Variants in CELF1 observed in about 807,000 individuals in gnomAD.
The protein encoded by CELF1 is 50 kDa nuclear polyadenylated RNA-binding protein.
CELF1 carries 10 observed loss-of-function variants against 61.8 expected under a neutral mutation model. The ratio of observed to expected loss-of-function variants is 0.16; its 90% CI spans 0.10 to 0.27. The LOEUF (loss-of-function observed/expected upper bound fraction) is 0.27. Among genes scored for constraint, CELF1 ranks in the 10% least tolerant of loss-of-function variants. The probability of loss-of-function intolerance (pLI) is 1.00; values close to 1 mark genes in which losing one functional copy is unlikely to be tolerated. For synonymous variants in CELF1, 236 were observed against 225.1 expected (o/e 1.05, Z -0.43); for missense variants, 380 against 639.1 (o/e 0.59, Z 4.37).
intron 1 of CELF1, among the ~76,000 whole-genome samples, chr11:47,520,497 G>A (rs1325860687): frequency 6.6e-6 from 1 of 152,172 alleles, no homozygotes; most frequent in Admixed American, 6.5e-5. Context: ...TCCGGAAGAT[G>A]TGTGGTGCAG....
intron 12 of CELF1, among the ~76,000 whole-genome samples, chr11:47,476,203 G>C (rs2080060547): frequency 6.6e-6 from 1 of 152,028 alleles, no homozygotes; most frequent in South Asian, 2.1e-4. Flanking sequence ...ATGTTGCTCA[G>C]GCTGGTCTGG....
rs1491536330 is a variant in CELF1, at chr11:47,545,869, G to GT, written c.-154+7122_-154+7123insA. Reference sequence around the variant, plus strand: ...TGTATACGTGTGTGTGTGTGTGTCTGCGTGTGTGTGTGTGTGTGTGTGTGT... The same window carrying GT: ...TGTATACGTGTGTGTGTGTGTGTCTGTCGTGTGTGTGTGTGTGTGTGTGTGT... On this transcript the variant is annotated intron_variant, in intron 1 of 14. Coordinates refer to ENST00000687097, the MANE Select transcript of CELF1 (RefSeq NM_001376376.1). Among the ~76,000 whole-genome samples the GT allele has an allele frequency of 2.2e-3, 72 of 33,082 alleles. 1 individual carries two copies. Among genetic ancestry groups the GT allele is most frequent in the South Asian group, 0.011 (13 of 1,142 alleles). 21.7% of individuals were successfully genotyped at this position (33,082 alleles called of 152,430 possible). A position where few individuals can be genotyped will look rare whatever the true frequency, so the allele number is the denominator to read the frequency against.
rs61663256 is a variant in CELF1, at chr11:47,533,635, A to AATACATACATACATACATAC, written c.-154+19337_-154+19356dup. Among the ~76,000 whole-genome samples, 118 of 148,858 alleles carry AATACATACATACATACATAC rather than the reference A, an allele frequency of 7.9e-4. 2 individuals carry two copies. The East Asian group carries it at 8.8e-3, about 11-fold the overall frequency. ...GAGACTCCATTTCAAAAAATAAATA[A>AATACATACATACATACATAC]ATACATACATACATACATACATAAA... On this transcript the variant is annotated intron_variant, in intron 1 of 14. Transcript: ENST00000687097.
intron 1 of CELF1, among the ~76,000 whole-genome samples, chr11:47,537,438 G>A (rs897909961): frequency 6.6e-6 from 1 of 151,816 alleles, no homozygotes; most frequent in African/African-American, 2.4e-5. Flanking sequence ...TAGTAGAGAC[G>A]GGGTTTCACC....
Position 47,487,253 on chromosome 11 carries a change from A to G in CELF1, c.260-12T>C, listed in dbSNP as rs200391877. 147 of 1,599,478 alleles carry G rather than the reference A, an allele frequency of 9.2e-5. No individual in the cohort carries two copies. In the African/African-American group the frequency reaches 1.8e-3, roughly 20 times the overall value. ...AACAAAACAGCACCCTGCAATAAAT[A>G]AGATTTCATAAAATCAAACTTTGGA... On this transcript the variant is annotated splice_polypyrimidine_tract_variant and intron_variant, in intron 4 of 14. Transcript: ENST00000687097.
rs1233787852 is a variant in CELF1, at chr11:47,467,952, A to C, written c.*4278T>G. On this transcript the variant is annotated 3_prime_UTR_variant, in exon 15 of 15. Transcript: ENST00000687097. ...CGATCAGTTTTTGCACAAACTATAG[A>C]AAACAGAGAGGTGAAGGTGATATAT... 6.6e-6 allele frequency: 1 copy of C among 152,236 alleles called. No individual in the cohort carries two copies. The highest frequency in any genetic ancestry group is 6.5e-5 in the Admixed American group (1 of 15,290). 9.4% of individuals were successfully genotyped at this position (152,236 alleles called of 1,614,324 possible). A position where few individuals can be genotyped will look rare whatever the true frequency, so the allele number is the denominator to read the frequency against.
intron 8 of CELF1, 36 bp from the exon 9 acceptor site, chr11:47,482,892 C>A: frequency 6.3e-7 from 1 of 1,581,722 alleles, no homozygotes; most frequent in Non-Finnish European, 8.6e-7. Context: ...TCAAATTCCT[C>A]CATCTGAAAA....
intron 1 of CELF1, among the ~76,000 whole-genome samples, chr11:47,537,348 A>AG (rs1248273337): frequency 1.3e-5 from 2 of 151,642 alleles, no homozygotes; most frequent in African/African-American, 2.4e-5. Flanking sequence ...CCTGGATTCA[A>AG]GCAATTCTCC....
chr11:47,477,096 A>G, intron 11 of CELF1, 137 bp from the exon 12 acceptor site: 1 of 882,616 alleles, frequency 1.1e-6, no homozygotes. Flanking sequence ...CTTGCAGGAC[A>G]GAGACAAATA....
intron 12 of CELF1, 39 bp downstream of exon 12, chr11:47,476,807 C>T: frequency 6.7e-7 from 1 of 1,497,404 alleles, no homozygotes; most frequent in Admixed American, 1.7e-5. Context: ...GCTACCTGCA[C>T]AAAGAATAGT....
chr11:47,551,198 G>C (rs2097128592), intron 1 of CELF1, among the ~76,000 whole-genome samples: 1 of 152,088 alleles, frequency 6.6e-6, no homozygotes, highest in Non-Finnish European at 1.5e-5. Flanking sequence ...AATCTCTAAA[G>C]AAAACCCTGG....
At chr11:47,541,059 G>A (rs532953133) in intron 1 of CELF1, among the ~76,000 whole-genome samples, 32 of 152,312 alleles carry the variant, frequency 2.1e-4, no homozygotes, top group Admixed American at 5.2e-4. Flanking sequence ...ACTGCAGTGT[G>A]AGGGAAAGCG....
At chr11:47,555,419 A>G (rs1329561493), upstream of CELF1, among the ~76,000 whole-genome samples, 2 of 152,192 alleles carry the variant, frequency 1.3e-5, no homozygotes, top group Non-Finnish European at 2.9e-5. Flanking sequence ...TTCCTATTCT[A>G]TCTGTGCCTT....
At chr11:47,527,674 A>G (rs1035568337) in intron 1 of CELF1, among the ~76,000 whole-genome samples, 8 of 152,220 alleles carry the variant, frequency 5.3e-5, no homozygotes, top group Non-Finnish European at 8.8e-5. Flanking sequence ...GTCCTATTAC[A>G]GCAACTTTGA....
rs2090284100 is a variant in CELF1, at chr11:47,489,935, G to GTTTTTTTTTTTTTGTTT, written c.72-912_72-911insAAACAAAAAAAAAAAAA. ...GTTTCCACTCAGAACATACCATCTT[G>GTTTTTTTTTTTTTGTTT]TTTTTTTTTTTTTTTTTTTTGAGAC... is the stretch of plus-strand genomic sequence containing the variant. On this transcript the variant is annotated intron_variant, in intron 3 of 14. Transcript: ENST00000687097. Among the ~76,000 whole-genome samples the GTTTTTTTTTTTTTGTTT allele has an allele frequency of 6.2e-5, 3 of 48,226 alleles. 1 individual carries two copies. The highest frequency in any genetic ancestry group is 1.2e-4 in the Non-Finnish European group (3 of 25,720). The allele number at this position is 48,226 out of a possible 152,430, so 31.6% of individuals were successfully genotyped here.
At position 47,536,392 on chromosome 11, in the gene CELF1, TGATA is replaced by T. The variant is rs758753652; in HGVS notation, c.-154+16596_-154+16599del. The stretch of plus-strand genomic sequence containing the variant: ...TAAATAGATAGATAGATAGACAGAC[TGATA>T]GATAGTTTCCCAATGCTATCTATAA... On this transcript the variant is annotated intron_variant, in intron 1 of 14. Transcript: ENST00000687097. Among the ~76,000 whole-genome samples the T allele has an allele frequency of 4.6e-4, 70 of 152,284 alleles. 1 individual carries two copies. The South Asian group carries it at 0.012, about 26-fold the overall frequency.
chr11:47,550,689 GT>G (rs923865857), intron 1 of CELF1, among the ~76,000 whole-genome samples: 218 of 147,836 alleles, frequency 1.5e-3, no homozygotes, highest in Middle Eastern at 6.9e-3. Flanking sequence ...TGACTTACCT[GT>G]TTTTTTTTTA....
chr11:47,499,248 T>G (rs759295750), intron 3 of CELF1, among the ~76,000 whole-genome samples: 1 of 152,194 alleles, frequency 6.6e-6, no homozygotes, highest in Non-Finnish European at 1.5e-5. Flanking sequence ...TGCACCTTTA[T>G]GTAAATAACT....
chr11:47,562,080 G>C (rs1011885429), intron 2 of CELF1, among the ~76,000 whole-genome samples: 1 of 151,928 alleles, frequency 6.6e-6, no homozygotes, highest in East Asian at 1.9e-4. Context: ...TACAAAATTA[G>C]CCAGGAGTGG....
Sources: allele counts gnomAD v4.1 joint callset (sites outside exome capture counted in the v4.1 genomes callset), GRCh38; gene constraint gnomAD v4.1.1; transcripts MANE v1.5; gene names NCBI Gene and HGNC (gene_info 2026-07-23, HGNC 2026-07-21).